The following LHFPL3 variants were observed in gnomAD, a reference collection of about 807,000 sequenced individuals.
LHFPL3 encodes LHFPL tetraspan subfamily member 3 protein.
In LHFPL3, 5 loss-of-function variants were observed where a neutral mutation model predicts 19.3. That is an observed-to-expected ratio of 0.26 (90% confidence interval 0.14 to 0.54). The LOEUF is 0.54. LHFPL3 is among the 20% of genes least tolerant of loss of function. The probability of loss-of-function intolerance (pLI) is 0.94; values close to 1 mark genes in which losing one functional copy is unlikely to be tolerated. For synonymous variants in LHFPL3, 133 were observed against 126.2 expected, an observed-to-expected ratio of 1.05 and a Z score of -0.36; for missense variants, 249 against 307.4, an observed-to-expected ratio of 0.81 and a Z score of 1.42.
At chr7:104,512,413 T>C (rs1793836489) in intron 1 of LHFPL3, among the ~76,000 whole-genome samples, 1 of 152,038 alleles carries the variant, frequency 6.6e-6, no homozygotes, top group Non-Finnish European at 1.5e-5. Flanking sequence ...TCAGAGAGCT[T>C]TTCATCTAGC....
intron 1 of LHFPL3, among the ~76,000 whole-genome samples, chr7:104,616,671 A>C (rs1321268374): frequency 6.6e-6 from 1 of 152,234 alleles, no homozygotes; most frequent in Non-Finnish European, 1.5e-5. Context: ...TCTGCACAGC[A>C]AAAGAAACTA....
In LHFPL3 at chr7:104,518,924, G is replaced by C. The variant is rs570258465; in HGVS notation, c.445+189700G>C. On this transcript the variant is annotated intron_variant, in intron 1 of 2. Transcript: ENST00000424859. ...TTCCTTTGTAACTAATAAAAATTTTGGATGTTAATCTGAAAAATGTGAAAG... is the reference window on the plus strand; with the variant it reads ...TTCCTTTGTAACTAATAAAAATTTTCGATGTTAATCTGAAAAATGTGAAAG... Among the ~76,000 whole-genome samples the C allele has an allele frequency of 2.0e-5, 3 of 152,132 alleles. No homozygotes were observed. The South Asian group carries it at 6.2e-4, about 32-fold the overall frequency.
chr7:104,660,045 A>G (rs1389229731), intron 1 of LHFPL3, among the ~76,000 whole-genome samples: 1 of 145,426 alleles, frequency 6.9e-6, no homozygotes, highest in Non-Finnish European at 1.5e-5. Context: ...TCTGTTGCCC[A>G]GGCTGGAGTA....
intron 1 of LHFPL3, among the ~76,000 whole-genome samples, chr7:104,372,724 A>C (rs1043093769): frequency 6.6e-6 from 1 of 152,170 alleles, no homozygotes; most frequent in Non-Finnish European, 1.5e-5. Flanking sequence ...TGGTTTGTGA[A>C]TTTTTAAGTA....
At chr7:104,433,251 T>C (rs1318492499) in intron 1 of LHFPL3, among the ~76,000 whole-genome samples, 1 of 152,230 alleles carries the variant, frequency 6.6e-6, no homozygotes, top group African/African-American at 2.4e-5. Context: ...ACTCATTATG[T>C]AGCCTTTGGA....
chr7:104,853,610 T>C (rs1171792006), intron 2 of LHFPL3, among the ~76,000 whole-genome samples: 1 of 152,236 alleles, frequency 6.6e-6, no homozygotes, highest in Non-Finnish European at 1.5e-5. Context: ...ATTTGATTTA[T>C]TTTTATTTAC....
chr7:104,693,717 C>T (rs1392777940), intron 1 of LHFPL3, among the ~76,000 whole-genome samples: 3 of 148,588 alleles, frequency 2.0e-5, no homozygotes, highest in African/African-American at 7.4e-5. Flanking sequence ...TTTTTAAAGA[C>T]AGAGTCTCAC....
chr7:104,471,027 A>G (rs763296599), intron 1 of LHFPL3, among the ~76,000 whole-genome samples: 4 of 152,158 alleles, frequency 2.6e-5, no homozygotes, highest in African/African-American at 2.4e-5. Context: ...AAAACTCCCA[A>G]TTTTTCTACC....
intron 2 of LHFPL3, among the ~76,000 whole-genome samples, chr7:104,899,410 A>C (rs1036907540): frequency 6.6e-6 from 1 of 152,096 alleles, no homozygotes; most frequent in African/African-American, 2.4e-5. Flanking sequence ...AAGGAAGGCC[A>C]ATTGACTTCA....
rs139114156 is a variant in LHFPL3 at position 104,743,544 on chromosome 7, C to T, written c.682+6633C>T. Among the ~76,000 whole-genome samples the T allele has an allele frequency of 7.2e-3, 1,103 of 152,248 alleles. 15 individuals carry two copies. Among genetic ancestry groups the T allele is most frequent in the African/African-American group, 0.024 (997 of 41,534 alleles). ...GCCTCCTACATAGATTTGAGAGAGT[C>T]CAACAAAAGCATGTGTGTGAAAGCA... On this transcript the variant is annotated intron_variant, in intron 2 of 2. Coordinates refer to ENST00000424859, the MANE Select transcript of LHFPL3 (RefSeq NM_199000.3).
At chr7:104,582,700 C>G (rs1404527824) in intron 1 of LHFPL3, among the ~76,000 whole-genome samples, 2 of 151,846 alleles carry the variant, frequency 1.3e-5, no homozygotes, top group Non-Finnish European at 2.9e-5. Context: ...TTGAGATTAT[C>G]ATGTGATATT....
intron 1 of LHFPL3, among the ~76,000 whole-genome samples, chr7:104,736,085 C>T (rs1051306878): frequency 2.0e-5 from 3 of 152,130 alleles, no homozygotes; most frequent in Admixed American, 6.5e-5. Flanking sequence ...TTTACATTTC[C>T]ACCAACAGTG....
intron 1 of LHFPL3, among the ~76,000 whole-genome samples, chr7:104,410,576 G>A (rs549347542): frequency 7.9e-4 from 121 of 152,252 alleles, no homozygotes; most frequent in Non-Finnish European, 1.6e-3. Context: ...ATTAAAGGGA[G>A]GAATAATCCA....
At chr7:104,471,359 C>A (rs139254414) in intron 1 of LHFPL3, among the ~76,000 whole-genome samples, 2 of 152,292 alleles carry the variant, frequency 1.3e-5, no homozygotes, top group African/African-American at 4.8e-5. Flanking sequence ...TTTGCTTTCC[C>A]TGTTGAAACA....
intron 1 of LHFPL3, among the ~76,000 whole-genome samples, chr7:104,644,687 G>A (rs754189346): frequency 4.6e-5 from 7 of 152,150 alleles, no homozygotes; most frequent in Non-Finnish European, 1.0e-4. Context: ...GAGCTGTGAG[G>A]GAGGCCTTGG....
intron 2 of LHFPL3, among the ~76,000 whole-genome samples, chr7:104,764,786 G>A (rs1398730052): frequency 6.6e-6 from 1 of 152,138 alleles, no homozygotes; most frequent in Admixed American, 6.5e-5. Context: ...ATATATTGAA[G>A]TGCTTTACAA....
chr7:104,511,695 C>T (rs1043773745), intron 1 of LHFPL3, among the ~76,000 whole-genome samples: 1 of 152,128 alleles, frequency 6.6e-6, no homozygotes, highest in Non-Finnish European at 1.5e-5. Flanking sequence ...GCATAAAAGA[C>T]TATGCATTGG....
chr7:104,714,468 C>A (rs1584493456), intron 1 of LHFPL3, among the ~76,000 whole-genome samples: 1 of 146,926 alleles, frequency 6.8e-6, no homozygotes, highest in African/African-American at 2.5e-5. Flanking sequence ...GGAAAGGGAG[C>A]AAGAAATAAA....
chr7:104,683,170 A>G (rs1324083237), intron 1 of LHFPL3, among the ~76,000 whole-genome samples: 3 of 152,166 alleles, frequency 2.0e-5, no homozygotes, highest in African/African-American at 7.2e-5. Flanking sequence ...TTGTATTTTT[A>G]GTAGAGACGA....
Sources: allele counts gnomAD v4.1 joint callset (sites outside exome capture counted in the v4.1 genomes callset), GRCh38; gene constraint gnomAD v4.1.1; transcripts MANE v1.5; gene names NCBI Gene and HGNC (gene_info 2026-07-23, HGNC 2026-07-21).